Variants in RNF168 observed in about 807,000 individuals in gnomAD.
RNF168 encodes ring finger protein 168.
Under a neutral mutation model 34.9 loss-of-function variants are expected in RNF168, and 34 were observed. That is an observed-to-expected ratio of 0.97 (90% CI 0.74 to 1.30). RNF168 has a LOEUF of 1.30. RNF168 is among the 50% of genes most tolerant of loss of function. The pLI is 0.00. For missense variants in RNF168, 725 were observed against 682.5 expected (o/e 1.06, Z -0.69); for synonymous variants, 264 against 254.7 (o/e 1.04, Z -0.35).
chr3:196,476,078 C>T (rs531806550), intron 4 of RNF168, among the ~76,000 whole-genome samples: 7 of 151,346 alleles, frequency 4.6e-5, no homozygotes, highest in East Asian at 2.0e-4. Flanking sequence ...AGGCTGGTCT[C>T]GAACTCCTGA....
At chr3:196,490,070 C>G (rs1395065920) in intron 1 of RNF168, among the ~76,000 whole-genome samples, 1 of 152,204 alleles carries the variant, frequency 6.6e-6, no homozygotes, top group East Asian at 1.9e-4. Flanking sequence ...CACCAATACC[C>G]TTCCACATAC....
At chr3:196,495,606 A>G (rs1732723190) in intron 1 of RNF168, among the ~76,000 whole-genome samples, 1 of 152,172 alleles carries the variant, frequency 6.6e-6, no homozygotes, top group African/African-American at 2.4e-5. Context: ...TATCAGGAGG[A>G]CCGCAATGTT....
intron 5 of RNF168, 99 bp from the exon 6 acceptor site, chr3:196,472,871 A>G: frequency 1.4e-6 from 1 of 711,238 alleles, no homozygotes; most frequent in East Asian, 2.6e-5. Flanking sequence ...CTGTCACTAT[A>G]CATTATTATT....
Position 196,475,285 on chromosome 3 carries a change from C to A in RNF168, c.708G>T (p.Gly236=), listed in dbSNP as rs1443906819. 6 of 1,611,286 alleles carry A rather than the reference C, an allele frequency of 3.7e-6. No individual in the cohort carries two copies. Among genetic ancestry groups the A allele is most frequent in the East Asian group, 2.2e-5 (1 of 44,834 alleles). The stretch of plus-strand genomic sequence containing the variant: ...GTACAGCTTCAGAGTGTGAGGCTGA[C>A]CCAAACTGAGATTTCGGTGTCAAAT... ...QKYLTPKSQF[G]SASHSEAVQE... The change falls in exon 5 of 6, where the codon GGG becomes GGT. Residue 236 remains glycine (G), a synonymous_variant. Coordinates refer to ENST00000318037, the MANE Select transcript of RNF168 (RefSeq NM_152617.4).
chr3:196,488,889 C>T (rs1365191737), intron 1 of RNF168, among the ~76,000 whole-genome samples: 3 of 151,918 alleles, frequency 2.0e-5, no homozygotes, highest in African/African-American at 7.3e-5. Context: ...CCTTGCTCTG[C>T]TGCCCAGGCT....
intron 1 of RNF168, among the ~76,000 whole-genome samples, chr3:196,489,003 C>T (rs1410048497): frequency 2.0e-5 from 3 of 152,020 alleles, no homozygotes; most frequent in Non-Finnish European, 4.4e-5. Flanking sequence ...TACAGGCATG[C>T]GCCACCACAC....
In RNF168 at chr3:196,470,618, C is replaced by T. The variant is rs1387238664; in HGVS notation, c.*1201G>A. ...CAGACTGTCAGTCACCCCATCCAGC[C>T]TCAGCCTCATCCTCGTCTGGACCCG... On this transcript the variant is annotated 3_prime_UTR_variant, in exon 6 of 6. Transcript: ENST00000318037. The T allele has an allele frequency of 6.6e-6, 1 of 150,832 alleles. No homozygotes were observed. The highest frequency in any genetic ancestry group is 2.5e-5 in the African/African-American group (1 of 40,516). The allele number at this position is 150,832 out of a possible 1,614,324, so 9.3% of individuals were successfully genotyped here.
Position 196,472,421 on chromosome 3 carries a change from T to C in RNF168, c.1114A>G (p.Thr372Ala). 4.3e-6 allele frequency: 7 copies of C among 1,613,544 alleles called. No individual in the cohort carries two copies. Among genetic ancestry groups the C allele is most frequent in the Non-Finnish European group, 5.9e-6 (7 of 1,179,848 alleles). The change falls in exon 6 of 6, where the codon ACA (threonine) becomes GCA (alanine). Residue 372 changes from threonine (T) to alanine (A), a missense_variant. By Grantham distance (58) the Thr-to-Ala change is moderately conservative (BLOSUM62 0). Transcript: ENST00000318037. Reference sequence around the variant, plus strand: ...AGTAGGCACGACTCTTCATTTTCTGTCTCACCTGTGTTGTTTCCATTTGTC... The same window carrying C: ...AGTAGGCACGACTCTTCATTTTCTGCCTCACCTGTGTTGTTTCCATTTGTC... ...TQTNGNNTGE[T>A]ENEESCLLIS...
Position 196,483,883 on chromosome 3 carries a change from G to A in RNF168, c.567C>T (p.Phe189=). The A allele has an allele frequency of 6.2e-7, 1 of 1,607,378 alleles. No individual in the cohort carries two copies. The highest frequency in any genetic ancestry group is 8.5e-7 in the Non-Finnish European group (1 of 1,173,996). The part of the protein sequence containing the change: ...ARKLSIDINN[F]CEGSISASPL... ...GAGAAGCCGAGATACTTCCCTCACA[G>A]AAATTGTTCTTCAACAATAGAAAAA... is the stretch of plus-strand genomic sequence containing the variant. Residue 189 remains phenylalanine, a synonymous_variant, in exon 4 of 6, where the codon TTC becomes TTT. Transcript: ENST00000318037.
chr3:196,493,239 T>C (rs1187578483), intron 1 of RNF168, among the ~76,000 whole-genome samples: 1 of 152,264 alleles, frequency 6.6e-6, no homozygotes, highest in Non-Finnish European at 1.5e-5. Context: ...AGCTGAACTT[T>C]TGTTAAACCG....
rs35774921 is a variant in RNF168 at position 196,472,375 on chromosome 3, T to C, written c.1160A>G (p.Lys387Arg). Residue 387 changes from lysine (K) to arginine (R), a missense_variant, in exon 6 of 6, where the codon AAA (lysine) becomes AGA (arginine). Lys to Arg is a conservative substitution (Grantham distance 26). Transcript: ENST00000318037. The stretch of plus-strand genomic sequence containing the variant: ...AAAGGAAGATTCTTGGTTTTTTCTT[T>C]TGGAAATCTCCTTACTGATCAGTAG... Reference protein sequence around the residue: ...SCLLISKEISKRKNQESSFEA... With the variant: ...SCLLISKEISRRKNQESSFEA... 4,955 of 1,614,042 alleles carry C rather than the reference T, an allele frequency of 3.1e-3. 118 individuals are homozygous for C. In the African/African-American group the frequency reaches 0.057, roughly 19 times the overall value.
At chr3:196,489,386 G>A (rs2108651143) in intron 1 of RNF168, among the ~76,000 whole-genome samples, 1 of 151,928 alleles carries the variant, frequency 6.6e-6, no homozygotes, top group East Asian at 1.9e-4. Flanking sequence ...GAGTGCAGTG[G>A]TGCAATCTCA....
Position 196,489,923 on chromosome 3 carries a change from G to A in RNF168, c.302-1240C>T, listed in dbSNP as rs547119333. Among the ~76,000 whole-genome samples, 6 of 152,278 alleles carry A rather than the reference G, an allele frequency of 3.9e-5. No individual in the cohort carries two copies. In the South Asian group the frequency reaches 1.2e-3, roughly 32 times the overall value. On this transcript the variant is annotated intron_variant, in intron 1 of 5. Coordinates refer to ENST00000318037, the MANE Select transcript of RNF168 (RefSeq NM_152617.4). ...GTGCACACACGCATATTTCTTTAAA[G>A]AAACAGATCTAGAGAGAGCCAGAGC...
chr3:196,476,018 C>A (rs901028019), intron 4 of RNF168, among the ~76,000 whole-genome samples: 76 of 151,884 alleles, frequency 5.0e-4, no homozygotes, highest in African/African-American at 1.8e-3. Flanking sequence ...CGCCACCACG[C>A]CCGGCTAATT....
intron 1 of RNF168, among the ~76,000 whole-genome samples, chr3:196,499,122 T>A (rs543069740): frequency 6.6e-6 from 1 of 151,276 alleles, no homozygotes; most frequent in Non-Finnish European, 1.5e-5. Flanking sequence ...TATAATGGAG[T>A]TCATACAAAG....
rs1457948905 is a variant in RNF168 at position 196,491,675 on chromosome 3, T to C, written c.302-2992A>G. Among the ~76,000 whole-genome samples the C allele has an allele frequency of 2.0e-5, 3 of 152,020 alleles. No homozygotes were observed. The East Asian group carries it at 5.8e-4, about 29-fold the overall frequency. On this transcript the variant is annotated intron_variant, in intron 1 of 5. Coordinates refer to ENST00000318037, the MANE Select transcript of RNF168 (RefSeq NM_152617.4). ...ACAAACAAAAACACATGTTCAACATTACTAGTCATTAGGGAAGTGCAAATC... is the reference window on the plus strand; with the variant it reads ...ACAAACAAAAACACATGTTCAACATCACTAGTCATTAGGGAAGTGCAAATC...
intron 2 of RNF168, among the ~76,000 whole-genome samples, chr3:196,488,362 G>A (rs1227304828): frequency 4.6e-5 from 7 of 151,524 alleles, no homozygotes; most frequent in Admixed American, 4.6e-4. Context: ...GGCGCCTGTA[G>A]TCCCAGCTAC....
chr3:196,491,564 T>C (rs1732597570), intron 1 of RNF168, among the ~76,000 whole-genome samples: 1 of 151,604 alleles, frequency 6.6e-6, no homozygotes, highest in Non-Finnish European at 1.5e-5. Context: ...AAGAATTGCT[T>C]GAACCCGGGA....
In RNF168 at chr3:196,472,456, CCT is replaced by C. The variant is rs1732033290; in HGVS notation, c.1077_1078del (p.Val361AspfsTer10). The C allele has an allele frequency of 1.9e-6, 3 of 1,614,106 alleles. No individual in the cohort carries two copies. Among genetic ancestry groups the C allele is most frequent in the Non-Finnish European group, 2.5e-6 (3 of 1,179,990 alleles). On this transcript the variant is annotated frameshift_variant, in exon 6 of 6. Coordinates refer to ENST00000318037, the MANE Select transcript of RNF168 (RefSeq NM_152617.4). LOFTEE classifies it low-confidence loss of function (END_TRUNC). ...GTTGTTTCCATTTGTCTGTGTCACC[CCT>C]GATGTGGGGGCGCACCCACTTTCTG...
Sources: allele counts gnomAD v4.1 joint callset (sites outside exome capture counted in the v4.1 genomes callset), GRCh38; gene constraint gnomAD v4.1.1; transcripts MANE v1.5; gene names NCBI Gene and HGNC (gene_info 2026-07-23, HGNC 2026-07-21).